Variants in GLIPR1L1 observed in about 807,000 individuals in gnomAD.
GLIPR1L1 encodes GLIPR1 like 1.
GLIPR1L1 carries 26 observed loss-of-function variants against 29.9 expected under a neutral mutation model. The observed-to-expected ratio is 0.87, with a 90% CI of 0.64 to 1.21. The LOEUF is 1.21. Among genes scored for constraint, GLIPR1L1 ranks in the 50% most tolerant of loss-of-function variants. GLIPR1L1 has a pLI of 0.00. For synonymous variants in GLIPR1L1, 77 were observed against 97.5 expected (o/e 0.79, Z 1.24); for missense variants, 305 against 290.3 (o/e 1.05, Z -0.37).
chr12:75,338,153 C>A (rs1461567893), intron 1 of GLIPR1L1, among the ~76,000 whole-genome samples: 2 of 152,084 alleles, frequency 1.3e-5, no homozygotes, highest in African/African-American at 4.8e-5. Context: ...AAAAACATTA[C>A]AGGTTAGAAA....
chr12:75,351,691 C>T lies in GLIPR1L1; in HGVS notation c.521+3969C>T, dbSNP rs542672574. Among the ~76,000 whole-genome samples the T allele has an allele frequency of 3.3e-3, 503 of 151,946 alleles. 3 individuals carry two copies. Among genetic ancestry groups the T allele is most frequent in the African/African-American group, 3.7e-3 (154 of 41,446 alleles). On this transcript the variant is annotated intron_variant, in intron 3 of 5. Coordinates refer to ENST00000378695, the MANE Select transcript of GLIPR1L1 (RefSeq NM_001304964.2). ...CCTCCTGAGTAGCTGGGATTAGAGG[C>T]GCTCCCCACCACACCCAGCTAATTT...
At chr12:75,361,204 A>T (rs142603285) in intron 3 of GLIPR1L1, among the ~76,000 whole-genome samples, 148 of 152,248 alleles carry the variant, frequency 9.7e-4, no homozygotes, top group African/African-American at 2.4e-3. Context: ...TATGCCAAAA[A>T]AAATAAATAA....
intron 3 of GLIPR1L1, among the ~76,000 whole-genome samples, chr12:75,362,779 T>A (rs900827300): frequency 3.3e-5 from 5 of 152,304 alleles, no homozygotes; most frequent in Admixed American, 1.3e-4. Context: ...AAATATTACT[T>A]ATTTCATGTA....
rs61616225 is a variant in GLIPR1L1 at position 75,359,357 on chromosome 12, C to CTT, written c.522-3716_522-3715dup. On this transcript the variant is annotated intron_variant, in intron 3 of 5. Coordinates refer to ENST00000378695, the MANE Select transcript of GLIPR1L1 (RefSeq NM_001304964.2). ...GAGTTAGAAGACTCAGCATTGTTGT[C>CTT]TTTTTTTTTTTTTTTTTTTTTTTTT... Among the ~76,000 whole-genome samples the CTT allele has an allele frequency of 6.5e-3, 186 of 28,584 alleles. 44 individuals are homozygous for CTT. Among genetic ancestry groups the CTT allele is most frequent in the African/African-American group, 0.015 (104 of 7,160 alleles). The allele number at this position is 28,584 out of a possible 152,430, so 18.8% of individuals were successfully genotyped here.
intron 3 of GLIPR1L1, among the ~76,000 whole-genome samples, chr12:75,354,313 T>G (rs1319351655): frequency 1.3e-5 from 2 of 151,786 alleles, no homozygotes; most frequent in African/African-American, 4.8e-5. Flanking sequence ...ACAAAAAAAG[T>G]CACAAGCATT....
chr12:75,345,699 G>C (rs779865137), intron 2 of GLIPR1L1, among the ~76,000 whole-genome samples: 31 of 152,188 alleles, frequency 2.0e-4, no homozygotes, highest in Non-Finnish European at 3.1e-4. Context: ...TTGAGAGAAT[G>C]AATCAGGTGT....
intron 1 of GLIPR1L1, among the ~76,000 whole-genome samples, chr12:75,341,097 A>C (rs1368581099): frequency 2.0e-5 from 3 of 152,142 alleles, no homozygotes; most frequent in Non-Finnish European, 4.4e-5. Flanking sequence ...ACTTCTGGGC[A>C]CTTTTTCCTT....
intron 1 of GLIPR1L1, among the ~76,000 whole-genome samples, chr12:75,342,035 G>T (rs934651561): frequency 1.3e-5 from 2 of 152,080 alleles, no homozygotes; most frequent in Non-Finnish European, 2.9e-5. Context: ...GAGTCACCAC[G>T]CCTGGCCACC....
At chr12:75,350,031 T>C (rs567001458) in intron 3 of GLIPR1L1, among the ~76,000 whole-genome samples, 34 of 152,346 alleles carry the variant, frequency 2.2e-4, no homozygotes, top group South Asian at 8.3e-4. Flanking sequence ...GTGGCTCCAG[T>C]TGGCCATTTT....
At chr12:75,367,875 T>C (rs2139673721) in intron 4 of GLIPR1L1, among the ~76,000 whole-genome samples, 1 of 152,290 alleles carries the variant, frequency 6.6e-6, no homozygotes, top group Middle Eastern at 3.4e-3. Flanking sequence ...CCTTCTATTA[T>C]TCTTAAATTT....
intron 3 of GLIPR1L1, among the ~76,000 whole-genome samples, chr12:75,358,895 T>C (rs2043350836): frequency 1.4e-5 from 2 of 143,740 alleles, no homozygotes; most frequent in East Asian, 3.9e-4. Flanking sequence ...ATATATTACA[T>C]ATAATTATAT....
At chr12:75,354,041 G>C (rs1419543441) in intron 3 of GLIPR1L1, among the ~76,000 whole-genome samples, 1 of 151,414 alleles carries the variant, frequency 6.6e-6, no homozygotes, top group Non-Finnish European at 1.5e-5. Flanking sequence ...ATGTCATACT[G>C]AATGGGCAAA....
intron 3 of GLIPR1L1, among the ~76,000 whole-genome samples, chr12:75,354,096 C>CCT (rs769997191): frequency 6.1e-5 from 9 of 148,566 alleles, no homozygotes; most frequent in Non-Finnish European, 1.3e-4. Flanking sequence ...ACAAAAATGT[C>CCT]CTCTCTCACC....
intron 3 of GLIPR1L1, among the ~76,000 whole-genome samples, chr12:75,359,357 C>CTTTTTTTTTTTTTTTTTTTTTT (rs61616225): frequency 3.5e-5 from 1 of 28,600 alleles, no homozygotes; most frequent in Non-Finnish European, 6.6e-5. Flanking sequence ...GCATTGTTGT[C>CTTTTTTTTTTTTTTTTTTTTTT]TTTTTTTTTT....
chr12:75,367,843 T>A (rs1282523032), intron 4 of GLIPR1L1, among the ~76,000 whole-genome samples: 1 of 152,190 alleles, frequency 6.6e-6, no homozygotes. Context: ...ATGTTGAGCA[T>A]AAGCTGTAAC....
At chr12:75,348,091 T>C (rs2042572825) in intron 3 of GLIPR1L1, among the ~76,000 whole-genome samples, 2 of 152,142 alleles carry the variant, frequency 1.3e-5, no homozygotes, top group Admixed American at 6.5e-5. Flanking sequence ...TTGAGAATGA[T>C]TGTAAAAGAA....
intron 3 of GLIPR1L1, among the ~76,000 whole-genome samples, chr12:75,357,478 G>GA (rs1429138891): frequency 6.6e-6 from 1 of 151,906 alleles, no homozygotes; most frequent in Admixed American, 6.6e-5. Context: ...AATAAGTAGG[G>GA]ATATAGAGTT....
At chr12:75,347,810 G>T in intron 3 of GLIPR1L1, 88 bp downstream of exon 3, 1 of 677,654 alleles carries the variant, frequency 1.5e-6, no homozygotes, top group South Asian at 2.2e-5. Flanking sequence ...AGACACAAGT[G>T]TATTTTTGAT....
rs1593702304 is a variant in GLIPR1L1 at position 75,345,480 on chromosome 12, T to C, written c.420+1542T>C. Among the ~76,000 whole-genome samples the C allele has an allele frequency of 2.6e-5, 4 of 152,318 alleles. No homozygotes were observed. In the South Asian group the frequency reaches 8.3e-4, roughly 32 times the overall value. On this transcript the variant is annotated intron_variant, in intron 2 of 5. Transcript: ENST00000378695. ...AATATAAAGAGCTAACCTTCTTCTC[T>C]AGACTTACCCATTTGTATAAGTTGA... is the stretch of plus-strand genomic sequence containing the variant.
Sources: allele counts gnomAD v4.1 joint callset (sites outside exome capture counted in the v4.1 genomes callset), GRCh38; gene constraint gnomAD v4.1.1; transcripts MANE v1.5; gene names NCBI Gene and HGNC (gene_info 2026-07-23, HGNC 2026-07-21).